The following PRCP variants were observed in gnomAD, a reference collection of about 807,000 sequenced individuals.
The protein encoded by PRCP is prolylcarboxypeptidase.
PRCP carries 46 observed loss-of-function variants against 54.2 expected under a neutral mutation model. That is an observed-to-expected ratio of 0.85 (90% CI 0.67 to 1.09). The LOEUF (loss-of-function observed/expected upper bound fraction) is 1.09, where lower values mean the gene tolerates loss of function less well. PRCP is among the 50% of genes least tolerant of loss of function. The pLI is 0.00. For missense variants in PRCP, 613 were observed against 596.8 expected, an observed-to-expected ratio of 1.03 and a Z score of -0.28; for synonymous variants, 240 against 212.2, an observed-to-expected ratio of 1.13 and a Z score of -1.14.
Position 82,900,336 on chromosome 11 carries a change from G to A in PRCP, c.67C>T (p.Arg23Trp). 6.2e-7 allele frequency: 1 copy of A among 1,614,114 alleles called. No individual in the cohort carries two copies. Residue 23 changes from arginine (R) to tryptophan (W), a missense_variant, in exon 1 of 9, where the codon CGG (arginine) becomes TGG (tryptophan). Physicochemically the swap from Arg to Trp is moderately radical, Grantham distance 101. Transcript: ENST00000313010. ...FLAPWATIAL[R>W]PALRALGSLH... ...CTGCCGAGGGCCCTTAAGGCCGGCC[G>A]GAGGGCTATGGTGGCCCAGGGCGCC...
At chr11:82,892,833 G>A (rs545888359) in intron 1 of PRCP, among the ~76,000 whole-genome samples, 14 of 152,152 alleles carry the variant, frequency 9.2e-5, no homozygotes, top group East Asian at 7.7e-4. Context: ...ATGTTGTTTC[G>A]ATATAAGTTT....
chr11:82,879,775 G>C (rs1358343183), intron 1 of PRCP, among the ~76,000 whole-genome samples: 1 of 152,222 alleles, frequency 6.6e-6, no homozygotes, highest in Non-Finnish European at 1.5e-5. Flanking sequence ...CTCAGCTGCA[G>C]GTCTGCTGGA....
chr11:82,870,027 G>A (rs537790020), intron 1 of PRCP, among the ~76,000 whole-genome samples: 116 of 152,326 alleles, frequency 7.6e-4, no homozygotes, highest in Non-Finnish European at 1.4e-3. Flanking sequence ...GCAGGAGAAG[G>A]ACTAATCAGC....
intron 8 of PRCP, chr11:82,828,490 T>C (rs1218840352): frequency 6.6e-6 from 1 of 152,220 alleles, no homozygotes; most frequent in Non-Finnish European, 1.5e-5. Context: ...TCCCCTTGAA[T>C]GGTACCTCTC....
chr11:82,850,949 T>C (rs1700187197), intron 3 of PRCP, among the ~76,000 whole-genome samples: 1 of 152,180 alleles, frequency 6.6e-6, no homozygotes, highest in Admixed American at 6.5e-5. Context: ...AAAGATTATA[T>C]ATGACCTCGG....
chr11:82,837,409 G>A (rs1858554270), intron 8 of PRCP, among the ~76,000 whole-genome samples: 2 of 152,296 alleles, frequency 1.3e-5, no homozygotes, highest in South Asian at 4.1e-4. Flanking sequence ...TATATCCATT[G>A]CCTACTTTAA....
chr11:82,894,015 C>T (rs1860061732), intron 1 of PRCP, among the ~76,000 whole-genome samples: 2 of 152,090 alleles, frequency 1.3e-5, no homozygotes, highest in African/African-American at 4.8e-5. Flanking sequence ...ATCTCTTACT[C>T]CTTATTCATT....
intron 2 of PRCP, among the ~76,000 whole-genome samples, chr11:82,856,162 C>T (rs1456404266): frequency 6.6e-6 from 1 of 152,046 alleles, no homozygotes; most frequent in Non-Finnish European, 1.5e-5. Context: ...AAATTAAAAA[C>T]TAAATAAAAA....
chr11:82,847,814 A>C (rs1858843944), intron 6 of PRCP, among the ~76,000 whole-genome samples: 1 of 152,032 alleles, frequency 6.6e-6, no homozygotes, highest in African/African-American at 2.4e-5. Context: ...GGTGGGTCTC[A>C]AACTTCTAGC....
At chr11:82,872,411 C>T (rs1257036932) in intron 1 of PRCP, among the ~76,000 whole-genome samples, 1 of 152,130 alleles carries the variant, frequency 6.6e-6, no homozygotes, top group Non-Finnish European at 1.5e-5. Context: ...AAGATGAGGG[C>T]ATGCTGGAGA....
At chr11:82,878,639 A>C (rs1234832774) in intron 1 of PRCP, among the ~76,000 whole-genome samples, 1 of 152,142 alleles carries the variant, frequency 6.6e-6, no homozygotes, top group Non-Finnish European at 1.5e-5. Flanking sequence ...CCTAGCACTG[A>C]GGGTCTTTAT....
intron 1 of PRCP, among the ~76,000 whole-genome samples, chr11:82,896,322 CATTTAT>C (rs1860120144): frequency 6.6e-6 from 1 of 152,128 alleles, no homozygotes; most frequent in South Asian, 2.1e-4. Flanking sequence ...ATGAGATTAA[CATTTAT>C]ATCAGCGGAC....
intron 2 of PRCP, among the ~76,000 whole-genome samples, chr11:82,856,679 CTAAAA>C (rs373521691): frequency 9.2e-4 from 137 of 148,180 alleles, no homozygotes; most frequent in African/African-American, 3.4e-3. Flanking sequence ...CCCCCTGAAC[CTAAAA>C]TAAAAGTCAA....
chr11:82,850,251 T>G, intron 4 of PRCP, 73 bp downstream of exon 4: 1 of 1,337,656 alleles, frequency 7.5e-7, no homozygotes, highest in Non-Finnish European at 9.8e-7. Context: ...GAACATGTTT[T>G]ACCCAAAATG....
chr11:82,830,549 A>G (rs922880069), intron 8 of PRCP: 1 of 143,242 alleles, frequency 7.0e-6, no homozygotes, highest in African/African-American at 2.6e-5. Context: ...AATGGCTTGA[A>G]CCCGGGAGGC....
intron 1 of PRCP, among the ~76,000 whole-genome samples, chr11:82,889,388 A>G (rs1859946862): frequency 2.0e-5 from 3 of 151,760 alleles, no homozygotes; most frequent in African/African-American, 4.8e-5. Flanking sequence ...CAAAATAAAA[A>G]AGAGGAAGAA....
At chr11:82,885,532 C>T (rs891660164) in intron 1 of PRCP, among the ~76,000 whole-genome samples, 7 of 152,154 alleles carry the variant, frequency 4.6e-5, no homozygotes, top group Non-Finnish European at 8.8e-5. Flanking sequence ...TTAAATTATA[C>T]ACTTTATTAA....
chr11:82,836,800 G>T, intron 8 of PRCP: 1 of 265,468 alleles, frequency 3.8e-6, no homozygotes, highest in South Asian at 3.8e-5. Context: ...CATTTGCCCT[G>T]GCCTCCCAAA....
chr11:82,879,594 T>C (rs1859697807), intron 1 of PRCP, among the ~76,000 whole-genome samples: 1 of 152,192 alleles, frequency 6.6e-6, no homozygotes, highest in Admixed American at 6.5e-5. Context: ...CTGCATTCCT[T>C]TGGAGGAGAA....
Sources: allele counts gnomAD v4.1 joint callset (sites outside exome capture counted in the v4.1 genomes callset), GRCh38; gene constraint gnomAD v4.1.1; transcripts MANE v1.5; gene names NCBI Gene and HGNC (gene_info 2026-07-23, HGNC 2026-07-21).